ARL5A: variants seen among roughly 807,000 people sequenced by gnomAD.
The protein encoded by ARL5A is ARF like GTPase 5A, also known as ADP-ribosylation factor-like protein 5A.
A neutral mutation model predicts 25.9 loss-of-function variants in ARL5A; 18 were observed. The ratio of observed to expected loss-of-function variants is 0.69; its 90% confidence interval spans 0.48 to 1.03. The LOEUF is 1.03. Ranked by LOEUF, ARL5A falls within the 50% of genes least tolerant of loss-of-function variation. The pLI, the probability that ARL5A is intolerant of heterozygous loss-of-function variation, is 0.00. For missense variants in ARL5A, 170 were observed against 211.9 expected (o/e 0.80, Z 1.23); for synonymous variants, 61 against 67.5 (o/e 0.90, Z 0.47).
rs755979325 is a variant in ARL5A, at chr2:151,814,210, A to T, written c.214T>A (p.Ser72Thr). Reference sequence around the variant, plus strand: ...TAAGTGTTCCAGGAAGAACGAAGAGATTCTTGGCCACCAATATCCCACATT... The same window carrying T: ...TAAGTGTTCCAGGAAGAACGAAGAGTTTCTTGGCCACCAATATCCCACATT... ...FLMWDIGGQE[S>T]LRSSWNTYYT... The change falls in exon 3 of 6, where the codon TCT becomes ACT. Residue 72 changes from serine (S) to threonine (T), a missense_variant. Ser to Thr is a moderately conservative substitution (Grantham distance 58). Coordinates refer to ENST00000295087, the MANE Select transcript of ARL5A (RefSeq NM_012097.4). 10 of 1,607,190 alleles carry T rather than the reference A, an allele frequency of 6.2e-6. No individual in the cohort carries two copies. The highest frequency in any genetic ancestry group is 2.1e-4 in the Middle Eastern group (1 of 4,864).
intron 1 of ARL5A, among the ~76,000 whole-genome samples, chr2:151,823,476 A>C (rs879351172): frequency 6.6e-6 from 1 of 152,210 alleles, no homozygotes; most frequent in Non-Finnish European, 1.5e-5. Context: ...TTAGAGATCC[A>C]ATCAGGAGGC....
chr2:151,818,675 T>C (rs2099831853), intron 1 of ARL5A, among the ~76,000 whole-genome samples: 1 of 152,258 alleles, frequency 6.6e-6, no homozygotes, highest in Non-Finnish European at 1.5e-5. Flanking sequence ...TTAAATAGCA[T>C]GGCAATTCTG....
At position 151,802,925 on chromosome 2, in the gene ARL5A, A is replaced by T. The variant is rs907074245; in HGVS notation, c.*351T>A. 2.1e-5 allele frequency: 4 copies of T among 186,566 alleles called. No individual in the cohort carries two copies. The highest frequency in any genetic ancestry group is 4.4e-5 in the Non-Finnish European group (4 of 90,596). 11.6% of individuals were successfully genotyped at this position (186,566 alleles called of 1,614,324 possible). On this transcript the variant is annotated 3_prime_UTR_variant, in exon 6 of 6. Transcript: ENST00000295087. ...TATTCTGACTTAATGGAACAAGAAG[A>T]AAATAACATTCAACTAGGGAGGGTT...
At position 151,828,249 on chromosome 2, in the gene ARL5A, G is replaced by A. The variant is rs1488158153; in HGVS notation, c.-73C>T. 2.9e-6 allele frequency: 4 copies of A among 1,388,648 alleles called. No individual in the cohort carries two copies. In the African/African-American group the frequency reaches 4.4e-5, roughly 15 times the overall value. 86.0% of individuals were successfully genotyped at this position (1,388,648 alleles called of 1,614,324 possible). On this transcript the variant is annotated 5_prime_UTR_variant, in exon 1 of 6. Transcript: ENST00000295087. ...TCCCCCGGCTCAGGCTGAGGGGGAGGAGAGAGACGCGCTGGAGCCTCCGCC... is the reference window on the plus strand; with the variant it reads ...TCCCCCGGCTCAGGCTGAGGGGGAGAAGAGAGACGCGCTGGAGCCTCCGCC...
In ARL5A at chr2:151,800,749, C is replaced by T. The variant is rs1045375461; in HGVS notation, c.*2527G>A. The stretch of plus-strand genomic sequence containing the variant: ...ATTAAACATATTCAAATGCTTATAG[C>T]ATATGGTTACTTTTGCCCAGATATC... On this transcript the variant is annotated 3_prime_UTR_variant, in exon 6 of 6. Transcript: ENST00000295087. 5 of 152,316 alleles carry T rather than the reference C, an allele frequency of 3.3e-5. No homozygotes were observed. The highest frequency in any genetic ancestry group is 1.2e-4 in the African/African-American group (5 of 41,460). The allele number at this position is 152,316 out of a possible 1,614,324, so 9.4% of individuals were successfully genotyped here.
chr2:151,815,069 T>A, intron 2 of ARL5A, 70 bp downstream of exon 2: 2 of 1,162,894 alleles, frequency 1.7e-6, no homozygotes, highest in Non-Finnish European at 2.5e-6. Context: ...ACTGCATTCA[T>A]TGATCGACTA....
Position 151,812,408 on chromosome 2 carries a change from T to A in ARL5A, c.288A>T (p.Arg96Ser). 1.2e-6 allele frequency: 2 copies of A among 1,606,878 alleles called. No homozygotes were observed. The highest frequency in any genetic ancestry group is 1.7e-6 in the Non-Finnish European group (2 of 1,177,676). Residue 96 changes from arginine (R) to serine (S), a missense_variant, in exon 4 of 6, where the codon AGA (arginine) becomes AGT (serine). Physicochemically the swap from Arg to Ser is moderately radical, Grantham distance 110. Coordinates refer to ENST00000295087, the MANE Select transcript of ARL5A (RefSeq NM_012097.4). ...CTTCTCTAGTTACAGAAATCCTCTC[T>A]CTGTCTGTACTGTCCACAACAACTA... Reference protein sequence around the residue: ...FVIVVVDSTDRERISVTREEL... With the variant: ...FVIVVVDSTDSERISVTREEL...
chr2:151,807,642 T>G (rs2099830267), intron 4 of ARL5A, among the ~76,000 whole-genome samples: 1 of 152,210 alleles, frequency 6.6e-6, no homozygotes, highest in South Asian at 2.1e-4. Context: ...TAATTCTCAG[T>G]TGAAGTTCTA....
intron 1 of ARL5A, chr2:151,827,866 T>C: frequency 2.0e-6 from 1 of 500,794 alleles, no homozygotes; most frequent in East Asian, 4.0e-5. Context: ...TTTACCACTC[T>C]CATTCGAAAT....
intron 1 of ARL5A, among the ~76,000 whole-genome samples, chr2:151,824,367 C>T (rs2099832741): frequency 1.3e-5 from 2 of 152,116 alleles, no homozygotes; most frequent in African/African-American, 4.8e-5. Flanking sequence ...CTATCTATCA[C>T]AAATTATCAA....
chr2:151,814,361 A>C, intron 2 of ARL5A, 45 bp from the exon 3 acceptor site: 1 of 1,405,106 alleles, frequency 7.1e-7, no homozygotes, highest in African/African-American at 1.5e-5. Context: ...AAGGAAGCTA[A>C]CTTGCTTGAA....
rs1486226153 is a variant in ARL5A at position 151,802,225 on chromosome 2, T to G, written c.*1051A>C. The G allele has an allele frequency of 6.6e-6, 1 of 152,128 alleles. No individual in the cohort carries two copies. The highest frequency in any genetic ancestry group is 1.5e-5 in the Non-Finnish European group (1 of 67,980). The allele number at this position is 152,128 out of a possible 1,614,324, so 9.4% of individuals were successfully genotyped here. On this transcript the variant is annotated 3_prime_UTR_variant, in exon 6 of 6. Coordinates refer to ENST00000295087, the MANE Select transcript of ARL5A (RefSeq NM_012097.4). ...ACATGCCTTACTTTTACTCTGAAATTCACTTTAACTGCTTGACATATAATT... is the reference window on the plus strand; with the variant it reads ...ACATGCCTTACTTTTACTCTGAAATGCACTTTAACTGCTTGACATATAATT...
rs10647555 is a variant in ARL5A at position 151,800,244 on chromosome 2, G to GACA, written c.*3029_*3031dup. 105,192 of 143,842 alleles carry GACA rather than the reference G, an allele frequency of 0.73. 39,740 individuals carry two copies. The highest frequency in any genetic ancestry group is 0.85 in the Non-Finnish European group (57,178 of 67,416). The allele number at this position is 143,842 out of a possible 1,614,324, so 8.9% of individuals were successfully genotyped here. A position where few individuals can be genotyped will look rare whatever the true frequency, so the allele number is the denominator to read the frequency against. On this transcript the variant is annotated 3_prime_UTR_variant, in exon 6 of 6. Coordinates refer to ENST00000295087, the MANE Select transcript of ARL5A (RefSeq NM_012097.4). ...CTGTACTGTATGTGGTTGCTGTAGT[G>GACA]ACAAGAAATGTAAAGTGCCTATACA...
At chr2:151,822,748 G>A (rs1311390118) in intron 1 of ARL5A, among the ~76,000 whole-genome samples, 1 of 152,156 alleles carries the variant, frequency 6.6e-6, no homozygotes, top group East Asian at 1.9e-4. Context: ...CAGCATTCCT[G>A]TATTTACTCA....
chr2:151,817,904 C>G (rs995092043), intron 1 of ARL5A, among the ~76,000 whole-genome samples: 2 of 152,158 alleles, frequency 1.3e-5, no homozygotes, highest in Admixed American at 1.3e-4. Flanking sequence ...ACTTGGGAGG[C>G]TGAGGCAGAA....
At position 151,800,239 on chromosome 2, in the gene ARL5A, G is replaced by A. The variant is rs936554020; in HGVS notation, c.*3037C>T. ...GTTGTCTGTACTGTATGTGGTTGCT[G>A]TAGTGACAAGAAATGTAAAGTGCCT... is the stretch of plus-strand genomic sequence containing the variant. On this transcript the variant is annotated 3_prime_UTR_variant, in exon 6 of 6. Coordinates refer to ENST00000295087, the MANE Select transcript of ARL5A (RefSeq NM_012097.4). 1.1e-4 allele frequency: 4 copies of A among 35,820 alleles called. No homozygotes were observed. Among genetic ancestry groups the A allele is most frequent in the Non-Finnish European group, 1.1e-4 (1 of 9,010 alleles). The allele number at this position is 35,820 out of a possible 1,614,324, so 2.2% of individuals were successfully genotyped here.
At chr2:151,809,102 T>C (rs963444960) in intron 4 of ARL5A, among the ~76,000 whole-genome samples, 4 of 152,158 alleles carry the variant, frequency 2.6e-5, no homozygotes, top group Non-Finnish European at 5.9e-5. Context: ...AGTCAATAAG[T>C]AGATGGACTT....
rs2099830217 is a variant in ARL5A at position 151,807,290 on chromosome 2, GA to G, written c.340-319del. ...AACTACCTTTTAGCCTAATACTTGA[GA>G]GCTCTCCAAAATTTTATCTTGCCTA... On this transcript the variant is annotated intron_variant, in intron 4 of 5. Transcript: ENST00000295087. Among the ~76,000 whole-genome samples, 4 of 152,136 alleles carry G rather than the reference GA, an allele frequency of 2.6e-5. No individual in the cohort carries two copies. The South Asian group carries it at 8.3e-4, about 32-fold the overall frequency.
intron 1 of ARL5A, among the ~76,000 whole-genome samples, chr2:151,819,716 G>A (rs2099832002): frequency 6.7e-6 from 1 of 150,262 alleles, no homozygotes; most frequent in African/African-American, 2.5e-5. Context: ...TTTTCTAACA[G>A]TTCTGTTAGG....
Sources: gnomAD v4.1 joint callset for allele counts (sites outside exome capture counted in the v4.1 genomes callset) on GRCh38, gnomAD v4.1.1 for gene constraint, MANE v1.5 for transcripts, NCBI Gene and HGNC (gene_info 2026-07-23, HGNC 2026-07-21) for gene names.